The following ABCA1 variants were observed in gnomAD, a reference collection of about 807,000 sequenced individuals.
ABCA1 encodes phospholipid-transporting ATPase ABCA1.
Under a neutral mutation model 262.5 loss-of-function variants are expected in ABCA1, and 133 were observed. That is an observed-to-expected ratio of 0.51 (90% CI 0.44 to 0.59). The LOEUF (loss-of-function observed/expected upper bound fraction) is 0.59. Among genes scored for constraint, ABCA1 ranks in the 20% least tolerant of loss-of-function variants. The pLI is 0.00. For missense variants in ABCA1, 2,452 were observed against 2,777.5 expected, an observed-to-expected ratio of 0.88 and a Z score of 2.63; for synonymous variants, 1,022 against 1,043.5, an observed-to-expected ratio of 0.98 and a Z score of 0.40.
chr9:104,895,343 C>T (rs1227171626), intron 2 of ABCA1, among the ~76,000 whole-genome samples: 1 of 152,184 alleles, frequency 6.6e-6, no homozygotes, highest in Non-Finnish European at 1.5e-5. Flanking sequence ...TTGATAGTGA[C>T]CCTACTGACA....
intron 43 of ABCA1, among the ~76,000 whole-genome samples, chr9:104,791,681 TC>T (rs1236701425): frequency 1.3e-5 from 2 of 152,206 alleles, no homozygotes; most frequent in Non-Finnish European, 2.9e-5. Flanking sequence ...CACCTCGGCC[TC>T]CCAAAGTGCT....
chr9:104,794,179 A>G (rs765449925), intron 40 of ABCA1, among the ~76,000 whole-genome samples: 1 of 152,200 alleles, frequency 6.6e-6, no homozygotes, highest in Non-Finnish European at 1.5e-5. Flanking sequence ...CACTTTTCTC[A>G]ATGCTATCAG....
chr9:104,846,335 T>C (rs1834879472), intron 7 of ABCA1, among the ~76,000 whole-genome samples: 1 of 152,218 alleles, frequency 6.6e-6, no homozygotes, highest in South Asian at 2.1e-4. Flanking sequence ...GAGATCAGTT[T>C]CTTCACTGTT....
At chr9:104,872,857 G>A (rs1361553207) in intron 5 of ABCA1, among the ~76,000 whole-genome samples, 1 of 152,230 alleles carries the variant, frequency 6.6e-6, no homozygotes, top group Non-Finnish European at 1.5e-5. Context: ...ACTTTTTAAA[G>A]GCAGTCTGAT....
chr9:104,878,802 A>AT (rs1307775595), intron 5 of ABCA1, among the ~76,000 whole-genome samples: 2 of 152,224 alleles, frequency 1.3e-5, no homozygotes, highest in Non-Finnish European at 2.9e-5. Flanking sequence ...CAAGGAAATC[A>AT]TGAGAGTATT....
chr9:104,814,175 G>A lies in ABCA1; in HGVS notation c.3844C>T (p.Leu1282Phe). Residue 1282 changes from leucine (L) to phenylalanine (F), a missense_variant, in exon 27 of 50, where the codon CTT (leucine) becomes TTT (phenylalanine). Transcript: ENST00000374736. ...GCATCATCTTCAGTGAACGGGCGAA[G>A]ACAGCTCTGCTTGTCCCCGAAGGCC... ...RRAFGDKQSC[L>F]RPFTEDDAAD... 2 of 1,614,250 alleles carry A rather than the reference G, an allele frequency of 1.2e-6. No individual in the cohort carries two copies. The highest frequency in any genetic ancestry group is 1.7e-6 in the Non-Finnish European group (2 of 1,180,056).
In ABCA1 at chr9:104,863,255, C is replaced by T. The variant is rs77764218; in HGVS notation, c.422-1455G>A. 4.4e-3 allele frequency among the ~76,000 whole-genome samples: 667 copies of T among 152,304 alleles called. 9 individuals carry two copies. Among genetic ancestry groups the T allele is most frequent in the African/African-American group, 0.015 (629 of 41,558 alleles). On this transcript the variant is annotated intron_variant, in intron 5 of 49. Transcript: ENST00000374736. Reference sequence around the variant, plus strand: ...CAGATGCTTGGTAGGAGCCCTATGACTCCGAAACAGTATAGTTTTCCCTGA... The same window carrying T: ...CAGATGCTTGGTAGGAGCCCTATGATTCCGAAACAGTATAGTTTTCCCTGA...
Position 104,819,785 on chromosome 9 carries a change from G to A in ABCA1, c.3104-62C>T, listed in dbSNP as rs1832134315. 5 of 1,613,226 alleles carry A rather than the reference G, an allele frequency of 3.1e-6. No individual in the cohort carries two copies. In the South Asian group the frequency reaches 4.4e-5, roughly 14 times the overall value. On this transcript the variant is annotated intron_variant, in intron 21 of 49. Transcript: ENST00000374736. ...GCCCCAGACAGTGAGTGAAGGCAGA[G>A]GACCTAGGGGCACAGCCAGGGACAA...
At chr9:104,848,245 G>A (rs1386809601) in intron 7 of ABCA1, among the ~76,000 whole-genome samples, 1 of 152,152 alleles carries the variant, frequency 6.6e-6, no homozygotes, top group Non-Finnish European at 1.5e-5. Context: ...TGGCAGAATT[G>A]TAAATGACTG....
At chr9:104,856,137 C>T in intron 7 of ABCA1, 1 of 1,524,776 alleles carries the variant, frequency 6.6e-7, no homozygotes. Context: ...TAGAAAAAGG[C>T]TGCTTAATGC....
intron 43 of ABCA1, among the ~76,000 whole-genome samples, chr9:104,791,502 G>GGGCTCAC (rs949414033): frequency 7.6e-6 from 1 of 131,442 alleles, no homozygotes; most frequent in Admixed American, 7.1e-5. Context: ...AGCGCAATCT[G>GGGCTCAC]GGCAACCTCC....
chr9:104,855,832 A>G (rs1396001786), intron 7 of ABCA1: 1 of 1,608,570 alleles, frequency 6.2e-7, no homozygotes, highest in Non-Finnish European at 8.5e-7. Flanking sequence ...TTTCCAGAGC[A>G]CCCAGATTCT....
chr9:104,792,898 T>A lies in ABCA1; in HGVS notation c.5645A>T (p.Asn1882Ile). The A allele has an allele frequency of 6.2e-7, 1 of 1,614,126 alleles. No homozygotes were observed. ...ATCATTCAGAGGAGATAGCTTTGCA[T>A]TTACAGGTCTTGGGGGAAAAAACAA... ...YRFFIRPRPV[N>I]AKLSPLNDED... Residue 1882 changes from asparagine to isoleucine, a missense_variant, in exon 42 of 50, where the codon AAT becomes ATT. By Grantham distance (149) the Asn-to-Ile change is moderately radical (BLOSUM62 -3). Transcript: ENST00000374736.
intron 30 of ABCA1, among the ~76,000 whole-genome samples, chr9:104,809,077 A>T (rs926403278): frequency 1.3e-5 from 2 of 152,272 alleles, no homozygotes; most frequent in African/African-American, 4.8e-5. Flanking sequence ...AGATTATAAA[A>T]GCGAAGAAGC....
At chr9:104,828,868 G>C in intron 15 of ABCA1, 48 bp downstream of exon 15, 1 of 1,586,974 alleles carries the variant, frequency 6.3e-7, no homozygotes, top group Non-Finnish European at 8.6e-7. Context: ...CCCGTGTTGA[G>C]CTATTTCGGA....
In ABCA1 at chr9:104,907,199, C is replaced by T. The variant is rs141400922; in HGVS notation, c.-92-3428G>A. On this transcript the variant is annotated intron_variant, in intron 1 of 49. Transcript: ENST00000374736. ...GCTGCACGCTCTCCTACCACTGGGA[C>T]TTCACTGGTGAGTTCTCTTGTCCTA... Among the ~76,000 whole-genome samples, 103 of 152,318 alleles carry T rather than the reference C, an allele frequency of 6.8e-4. 1 individual carries two copies. Among genetic ancestry groups the T allele is most frequent in the Non-Finnish European group, 1.2e-3 (83 of 68,030 alleles).
Position 104,806,290 on chromosome 9 carries a change from T to A in ABCA1, c.4415A>T (p.Lys1472Met). 6.2e-7 allele frequency: 1 copy of A among 1,614,050 alleles called. No homozygotes were observed. The highest frequency in any genetic ancestry group is 8.5e-7 in the Non-Finnish European group (1 of 1,180,028). Reference protein sequence around the residue: ...ACQCSSDKIKKMLPVCPPGAG... With the variant: ...ACQCSSDKIKMMLPVCPPGAG... ...CCCTGGGGGACACACAGGCAGCATC[T>A]TCTTGATTTTGTCGCTGCTACACTG... Residue 1472 changes from lysine to methionine, a missense_variant, in exon 31 of 50, where the codon AAG (lysine) becomes ATG (methionine). By Grantham distance (95) the Lys-to-Met change is moderately conservative. Around this residue, in one of 4 missense-constraint regions of ABCA1, gnomAD observed 665 missense variants for 727.3 expected, o/e 0.91. Coordinates refer to ENST00000374736, the MANE Select transcript of ABCA1 (RefSeq NM_005502.4).
rs895590625 is a variant in ABCA1 at position 104,782,838 on chromosome 9, T to C, written c.*1477A>G. 5.6e-5 allele frequency: 8 copies of C among 143,386 alleles called. No individual in the cohort carries two copies. The highest frequency in any genetic ancestry group is 3.0e-5 in the Non-Finnish European group (2 of 66,586). The allele number at this position is 143,386 out of a possible 1,614,324, so 8.9% of individuals were successfully genotyped here. On this transcript the variant is annotated 3_prime_UTR_variant, in exon 50 of 50. Coordinates refer to ENST00000374736, the MANE Select transcript of ABCA1 (RefSeq NM_005502.4). ...CCCTTATACTTTCTTGGCTTTTGCATTGTTGCAATTAAAAAAAAAAAAAAA... is the reference window on the plus strand; with the variant it reads ...CCCTTATACTTTCTTGGCTTTTGCACTGTTGCAATTAAAAAAAAAAAAAAA...
In ABCA1 at chr9:104,831,855, C is replaced by T. The variant is rs749239468; in HGVS notation, c.1510-28G>A. 6.8e-6 allele frequency: 11 copies of T among 1,610,002 alleles called. No homozygotes were observed. In the East Asian group the frequency reaches 1.1e-4, roughly 16 times the overall value. The stretch of plus-strand genomic sequence containing the variant: ...GATAGAAGAACAGCCTTCATGAGAA[C>T]GTTGGCAGCCAGGACAACAAGCAGT... On this transcript the variant is annotated intron_variant, in intron 12 of 49. Transcript: ENST00000374736.
Sources: gnomAD v4.1 joint callset for allele counts (sites outside exome capture counted in the v4.1 genomes callset) on GRCh38, gnomAD v4.1.1 for gene constraint, gnomAD v4.1.1 regional missense constraint, MANE v1.5 for transcripts, NCBI Gene and HGNC (gene_info 2026-07-23, HGNC 2026-07-21) for gene names.